Variants in CRACD observed in about 807,000 individuals in gnomAD.
CRACD encodes the protein capping protein-inhibiting regulator of actin dynamics.
Under a neutral mutation model 106.8 loss-of-function variants are expected in CRACD, and 56 were observed. The ratio of observed to expected loss-of-function variants is 0.52; its 90% CI spans 0.42 to 0.66. The LOEUF is 0.66. Among genes scored for constraint, CRACD ranks in the 30% least tolerant of loss-of-function variants. CRACD has a pLI of 0.00. For synonymous variants in CRACD, 754 were observed against 670.8 expected (o/e 1.12, Z -1.92); for missense variants, 1,730 against 1,623.2 (o/e 1.07, Z -1.13).
rs560384070 is a variant in CRACD at position 56,237,293 on chromosome 4, A to G, written c.-188-35028A>G. ...TATAATTCCTTTTTATTAAAATGAA[A>G]CCAATATGCATTAATATATTCATGT... On this transcript the variant is annotated intron_variant, in intron 2 of 10. Coordinates refer to ENST00000682029, the MANE Select transcript of CRACD (RefSeq NM_001393381.1). Among the ~76,000 whole-genome samples, 12 of 152,282 alleles carry G rather than the reference A, an allele frequency of 7.9e-5. No individual in the cohort carries two copies. The South Asian group carries it at 2.5e-3, about 32-fold the overall frequency.
At chr4:56,050,407 G>A (rs73155601) in intron 1 of CRACD, among the ~76,000 whole-genome samples, 47,667 of 151,614 alleles carry the variant, frequency 0.31, 8,424 homozygotes, top group African/African-American at 0.48. Context: ...TAAATATCCT[G>A]TGGCAAATTT....
chr4:56,315,498 G>A lies in CRACD; in HGVS notation c.1996G>A (p.Ala666Thr). 1 of 1,613,516 alleles carries A rather than the reference G, an allele frequency of 6.2e-7. No homozygotes were observed. The highest frequency in any genetic ancestry group is 8.5e-7 in the Non-Finnish European group (1 of 1,179,882). The change falls in exon 8 of 11, where the codon GCA (alanine) becomes ACA (threonine). Residue 666 changes from alanine (A) to threonine (T), a missense_variant. By Grantham distance (58) the Ala-to-Thr change is moderately conservative. This residue lies in a region of CRACD where 1,620 missense variants were observed against 1,481.6 expected (regional missense o/e 1.09). Coordinates refer to ENST00000682029, the MANE Select transcript of CRACD (RefSeq NM_001393381.1). This position sits in a 1 kb window ranked among gnomAD's most constrained non-coding sequence, Gnocchi z 4.1. ...GTCTCCCAGCAGCGCGTCCGCACTC[G>A]CAGAATGGGCTTCCATTCGGTCCAG... is the stretch of plus-strand genomic sequence containing the variant. ...QESPSSASAL[A>T]EWASIRSRIL...
At chr4:56,160,761 C>T (rs1004697109) in intron 1 of CRACD, among the ~76,000 whole-genome samples, 8 of 152,354 alleles carry the variant, frequency 5.3e-5, no homozygotes, top group South Asian at 4.1e-4. Flanking sequence ...ATTTGACGTG[C>T]GTATGCGCAC....
intron 1 of CRACD, among the ~76,000 whole-genome samples, chr4:56,098,379 C>T (rs377101298): frequency 2.0e-5 from 3 of 151,964 alleles, no homozygotes; most frequent in South Asian, 4.1e-4. Flanking sequence ...TTTTCATATG[C>T]GATAGGTAAG....
At chr4:56,260,245 A>G (rs10020441) in intron 2 of CRACD, among the ~76,000 whole-genome samples, 77,849 of 152,102 alleles carry the variant, frequency 0.51, 20,500 homozygotes, top group East Asian at 0.72. Flanking sequence ...ATAAGATACG[A>G]TAATGATAGT....
At chr4:56,307,063 C>T (rs1744767663) in intron 4 of CRACD, among the ~76,000 whole-genome samples, 1 of 152,070 alleles carries the variant, frequency 6.6e-6, no homozygotes, top group South Asian at 2.1e-4. Context: ...GAATATGTCC[C>T]AAAGGGGCTG....
chr4:56,183,287 A>AAATAAAATAAATAAAATAAAAT (rs1174258198), intron 2 of CRACD, among the ~76,000 whole-genome samples: 18 of 148,022 alleles, frequency 1.2e-4, no homozygotes, highest in African/African-American at 4.7e-4. Context: ...AAATAAAATA[A>AAATAAAATAAATAAAATAAAAT]AAAGAATTAG....
intron 1 of CRACD, among the ~76,000 whole-genome samples, chr4:56,094,310 A>T (rs780898048): frequency 2.4e-4 from 36 of 152,020 alleles, no homozygotes; most frequent in Non-Finnish European, 4.9e-4. Context: ...TGTCTGCTCC[A>T]TTGGCTACTG....
At chr4:56,156,899 A>G (rs1735780088) in intron 1 of CRACD, among the ~76,000 whole-genome samples, 1 of 152,250 alleles carries the variant, frequency 6.6e-6, no homozygotes, top group Non-Finnish European at 1.5e-5. Flanking sequence ...ACCTATTACC[A>G]CTAGAATGTA....
chr4:56,300,151 A>G (rs1744284038), intron 4 of CRACD, among the ~76,000 whole-genome samples: 6 of 152,092 alleles, frequency 3.9e-5, no homozygotes, highest in Admixed American at 3.3e-4. Flanking sequence ...AAAAAAGAAA[A>G]TTATTTGTGA....
intron 2 of CRACD, among the ~76,000 whole-genome samples, chr4:56,249,659 T>G (rs1346975730): frequency 6.6e-6 from 1 of 152,192 alleles, no homozygotes; most frequent in Non-Finnish European, 1.5e-5. Flanking sequence ...CAGAGACCCC[T>G]TGGAGTATTT....
At chr4:56,070,889 G>GTGTGTGTGTGTC (rs1449519630) in intron 1 of CRACD, among the ~76,000 whole-genome samples, 1 of 151,406 alleles carries the variant, frequency 6.6e-6, no homozygotes, top group Non-Finnish European at 1.5e-5. Flanking sequence ...GTGTGTGTGT[G>GTGTGTGTGTGTC]TCCACAGGCA....
At chr4:56,255,620 C>G (rs1369740848) in intron 2 of CRACD, among the ~76,000 whole-genome samples, 3 of 152,180 alleles carry the variant, frequency 2.0e-5, no homozygotes, top group Non-Finnish European at 4.4e-5. Flanking sequence ...AAGACCTGTA[C>G]TGGCCAAAAG....
At chr4:56,082,508 A>G (rs1733067508) in intron 1 of CRACD, among the ~76,000 whole-genome samples, 1 of 152,170 alleles carries the variant, frequency 6.6e-6, no homozygotes, top group Non-Finnish European at 1.5e-5. Flanking sequence ...GGTGCCTTTT[A>G]TGAGGGGGAT....
In CRACD at chr4:56,310,704, C is replaced by T. The variant is rs1449818226; in HGVS notation, c.324C>T (p.Leu108=). The change falls in exon 6 of 11, where the codon CTC becomes CTT. Residue 108 remains leucine (L), a synonymous_variant. Transcript: ENST00000682029. ...DTPSSLSPLN[L]PGAGSEMEEK... is the part of the protein sequence containing the mutation. ...CAAGTTCTCTAAGTCCTCTGAATCT[C>T]CCTGGAGCTGGAAGTGAGATGGAAG... The T allele has an allele frequency of 2.5e-6, 4 of 1,611,658 alleles. No individual in the cohort carries two copies. Among genetic ancestry groups the T allele is most frequent in the African/African-American group, 2.7e-5 (2 of 74,828 alleles).
intron 1 of CRACD, among the ~76,000 whole-genome samples, chr4:56,122,382 G>T (rs1734519129): frequency 1.4e-5 from 2 of 146,450 alleles, no homozygotes; most frequent in Non-Finnish European, 3.0e-5. Flanking sequence ...AGGGGAAAAA[G>T]AAGCAAAAAA....
chr4:56,106,467 C>A (rs1468816013), intron 1 of CRACD, among the ~76,000 whole-genome samples: 1 of 152,278 alleles, frequency 6.6e-6, no homozygotes, highest in African/African-American at 2.4e-5. Flanking sequence ...TTCTCTTGGC[C>A]TTCTGTCACT....
At chr4:56,313,907 C>T (rs1157954191) in intron 7 of CRACD, 133 bp from the exon 8 acceptor site, 2 of 1,197,990 alleles carry the variant, frequency 1.7e-6, no homozygotes, top group Non-Finnish European at 2.3e-6. Context: ...GTTTAGCTAT[C>T]CCTGAACTTG....
At chr4:56,136,232 A>G (rs768624108) in intron 1 of CRACD, among the ~76,000 whole-genome samples, 22 of 152,192 alleles carry the variant, frequency 1.4e-4, no homozygotes, top group Non-Finnish European at 2.8e-4. Context: ...TTCATGTACA[A>G]GTCTTTGTCT....
Sources: allele counts gnomAD v4.1 joint callset (sites outside exome capture counted in the v4.1 genomes callset), GRCh38; gene constraint gnomAD v4.1.1; regional missense constraint gnomAD v4.1.1; non-coding constraint Gnocchi (gnomAD v3.1); transcripts MANE v1.5; gene names NCBI Gene and HGNC (gene_info 2026-07-23, HGNC 2026-07-21).